Variants in RNF4 observed in about 807,000 individuals in gnomAD.
The protein encoded by RNF4 is E3 ubiquitin-protein ligase RNF4.
In RNF4, 7 loss-of-function variants were observed where a neutral mutation model predicts 24.3. That is an observed-to-expected ratio of 0.29 (90% CI 0.16 to 0.54). RNF4 has a LOEUF of 0.54. Ranked by LOEUF, RNF4 falls within the 20% of genes least tolerant of loss-of-function variation. The pLI is 0.95. For synonymous variants in RNF4, 83 were observed against 84.3 expected (o/e 0.98, Z 0.09); for missense variants, 209 against 248.5 (o/e 0.84, Z 1.07).
At chr4:2,499,496 G>A (rs778330616) in intron 3 of RNF4, 4 of 300,046 alleles carry the variant, frequency 1.3e-5, no homozygotes, top group South Asian at 2.4e-5. Context: ...GGCTGGTCTC[G>A]AACTCTCAAC....
At chr4:2,494,113 T>C (rs1356720615) in intron 2 of RNF4, among the ~76,000 whole-genome samples, 1 of 152,182 alleles carries the variant, frequency 6.6e-6, no homozygotes, top group Admixed American at 6.5e-5. Context: ...TAAAGAGTCC[T>C]AAGTGTTTGA....
intron 7 of RNF4, 141 bp downstream of exon 7, chr4:2,513,272 T>C: frequency 1.2e-6 from 1 of 816,376 alleles, no homozygotes; most frequent in Non-Finnish European, 2.1e-6. Flanking sequence ...ATTGCAGATC[T>C]GCCTGTGAGG....
chr4:2,497,044 C>T lies in RNF4; in HGVS notation c.47C>T (p.Ala16Val), dbSNP rs753448501. 4 of 1,607,920 alleles carry T rather than the reference C, an allele frequency of 2.5e-6. No homozygotes were observed. The Admixed American group carries it at 5.1e-5, about 20-fold the overall frequency. The change falls in exon 3 of 8, where the codon GCT becomes GTT. Residue 16 changes from alanine (A) to valine (V), a missense_variant. Around this residue, in one of 3 missense-constraint regions of RNF4, gnomAD observed 182 missense variants for 197.2 expected, o/e 0.92. Coordinates refer to ENST00000314289, the MANE Select transcript of RNF4 (RefSeq NM_002938.5). ...RRGGAINSRQ[A>V]QKRTREATST... ...GGTGGAGCAATAAATTCTAGACAAG[C>T]TCAGAAGCGAACTCGGGAAGCAACC...
intron 1 of RNF4, among the ~76,000 whole-genome samples, chr4:2,483,486 C>A (rs1220792184): frequency 6.6e-6 from 1 of 152,184 alleles, no homozygotes. Context: ...ATTGATATGA[C>A]TGAGGGTATC....
chr4:2,471,047 A>T (rs1243835614), intron 1 of RNF4: 1 of 146,914 alleles, frequency 6.8e-6, no homozygotes, highest in African/African-American at 2.6e-5. Flanking sequence ...TCTCACTGTA[A>T]CCTCTGCCAT....
In RNF4 at chr4:2,512,726, G is replaced by T; in HGVS notation, c.374+129G>T. On this transcript the variant is annotated intron_variant, in intron 6 of 7. Transcript: ENST00000314289. The surrounding 1 kb of genome is among the most constrained non-coding windows in gnomAD (Gnocchi z 4.1). ...TGCCCAAGCCTCTACCCAGCATCTG[G>T]ATACAGTTGGAACTGGGTCCAGAAC... 9.3e-7 allele frequency: 1 copy of T among 1,074,312 alleles called. No individual in the cohort carries two copies. The highest frequency in any genetic ancestry group is 1.6e-5 in the South Asian group (1 of 61,630). 66.5% of individuals were successfully genotyped at this position (1,074,312 alleles called of 1,614,324 possible).
chr4:2,507,941 A>G (rs547453028), intron 4 of RNF4, among the ~76,000 whole-genome samples: 6 of 151,506 alleles, frequency 4.0e-5, no homozygotes, highest in Admixed American at 1.3e-4. Context: ...TGTAGCCTCA[A>G]CCTCCCAGGT....
intron 1 of RNF4, chr4:2,480,913 G>A (rs1735225895): frequency 6.6e-6 from 1 of 152,218 alleles, no homozygotes; most frequent in Admixed American, 6.5e-5. Flanking sequence ...TGTTTGGAAA[G>A]ATGAGTTTGT....
At chr4:2,472,208 T>C (rs1427326715) in intron 1 of RNF4, among the ~76,000 whole-genome samples, 1 of 152,200 alleles carries the variant, frequency 6.6e-6, no homozygotes, top group Non-Finnish European at 1.5e-5. Context: ...AAATCTACTG[T>C]GTGCTGATCA....
At chr4:2,502,461 G>A (rs534854807) in intron 4 of RNF4, among the ~76,000 whole-genome samples, 17 of 152,076 alleles carry the variant, frequency 1.1e-4, no homozygotes, top group South Asian at 4.2e-4. Flanking sequence ...CGAGGTGGGC[G>A]GACCACAAGG....
chr4:2,508,479 T>C (rs182087596), intron 4 of RNF4, among the ~76,000 whole-genome samples: 62 of 152,340 alleles, frequency 4.1e-4, no homozygotes, highest in African/African-American at 1.4e-3. Flanking sequence ...TTGATGTGAC[T>C]CGGCCACTGG....
chr4:2,515,809 TC>T lies in RNF4; in HGVS notation c.*1992del, dbSNP rs530796771. 76 of 152,792 alleles carry T rather than the reference TC, an allele frequency of 5.0e-4. No homozygotes were observed. Among genetic ancestry groups the T allele is most frequent in the South Asian group, 1.7e-3 (8 of 4,828 alleles). The allele number at this position is 152,792 out of a possible 1,614,324, so 9.5% of individuals were successfully genotyped here. A position where few individuals can be genotyped will look rare whatever the true frequency, so the allele number is the denominator to read the frequency against. On this transcript the variant is annotated 3_prime_UTR_variant, in exon 8 of 8. Coordinates refer to ENST00000314289, the MANE Select transcript of RNF4 (RefSeq NM_002938.5). ...CCATGGATATCAGTCTGCTTTGGAC[TC>T]CTCTGCTAGTGTTACAGATGGAAAT... is the stretch of plus-strand genomic sequence containing the variant.
At position 2,513,113 on chromosome 4, in the gene RNF4, C is replaced by T. The variant is rs1310762775; in HGVS notation, c.405C>T (p.Cys135=). 6.2e-7 allele frequency: 1 copy of T among 1,613,810 alleles called. No individual in the cohort carries two copies. Among genetic ancestry groups the T allele is most frequent in the Non-Finnish European group, 8.5e-7 (1 of 1,179,732 alleles). The change falls in exon 7 of 8, where the codon TGC becomes TGT. Residue 135 remains cysteine (C), a synonymous_variant. Coordinates refer to ENST00000314289, the MANE Select transcript of RNF4 (RefSeq NM_002938.5). ...RPSGTVSCPI[C]MDGYSEIVQN... is the part of the protein sequence containing the mutation. ...CAGGTACTGTCAGTTGTCCCATCTG[C>T]ATGGACGGATACTCAGAGGTAAGTA...
Position 2,513,669 on chromosome 4 carries a change from G to T in RNF4, c.424-1G>T. ...AGGCTCTTCTTTTTAATGCCTTCTA[G>T]ATCGTGCAGAATGGACGTCTCATCG... On this transcript the variant is annotated splice_acceptor_variant, in intron 7 of 7. Coordinates refer to ENST00000314289, the MANE Select transcript of RNF4 (RefSeq NM_002938.5). LOFTEE classifies it high-confidence loss of function. 7 of 1,613,736 alleles carry T rather than the reference G, an allele frequency of 4.3e-6. No individual in the cohort carries two copies. The highest frequency in any genetic ancestry group is 5.9e-6 in the Non-Finnish European group (7 of 1,179,894).
intron 1 of RNF4, among the ~76,000 whole-genome samples, chr4:2,489,122 A>G (rs984715373): frequency 6.6e-6 from 1 of 152,066 alleles, no homozygotes; most frequent in Non-Finnish European, 1.5e-5. Flanking sequence ...CGATGCCTGG[A>G]TTTCAATCTC....
At chr4:2,483,095 C>T (rs966706600) in intron 1 of RNF4, among the ~76,000 whole-genome samples, 4 of 152,194 alleles carry the variant, frequency 2.6e-5, no homozygotes, top group African/African-American at 7.2e-5. Flanking sequence ...CTATTTATTA[C>T]TTGATTTGTT....
chr4:2,513,749 A>G lies in RNF4; in HGVS notation c.503A>G (p.Lys168Arg). 4 of 1,613,994 alleles carry G rather than the reference A, an allele frequency of 2.5e-6. No homozygotes were observed. In the South Asian group the frequency reaches 3.3e-5, roughly 13 times the overall value. Residue 168 changes from lysine (K) to arginine (R), a missense_variant, in exon 8 of 8, where the codon AAG becomes AGG. By Grantham distance (26) the Lys-to-Arg change is conservative. Transcript: ENST00000314289. ...AGCCAGTGCCTCCGTGATTCCCTGA[A>G]GAATGCTAATACTTGCCCAACTTGT... ...FCSQCLRDSL[K>R]NANTCPTCRK...
chr4:2,513,587 C>T, intron 7 of RNF4, 83 bp from the exon 8 acceptor site: 1 of 1,531,890 alleles, frequency 6.5e-7, no homozygotes, highest in Non-Finnish European at 8.9e-7. Flanking sequence ...TCATCTTAGG[C>T]ATAGGTGGGT....
chr4:2,495,463 G>C (rs1560407899), intron 2 of RNF4, among the ~76,000 whole-genome samples: 1 of 152,130 alleles, frequency 6.6e-6, no homozygotes, highest in Non-Finnish European at 1.5e-5. Context: ...ATCTCATTTA[G>C]ACCTTATAAC....
Sources: allele counts gnomAD v4.1 joint callset (sites outside exome capture counted in the v4.1 genomes callset), GRCh38; gene constraint gnomAD v4.1.1; regional missense constraint gnomAD v4.1.1; non-coding constraint Gnocchi (gnomAD v3.1); transcripts MANE v1.5; gene names NCBI Gene and HGNC (gene_info 2026-07-23, HGNC 2026-07-21).